INO80: variants seen among roughly 807,000 people sequenced by gnomAD.
The protein encoded by INO80 is chromatin-remodeling ATPase INO80.
In INO80, 20 loss-of-function variants were observed where a neutral mutation model predicts 203.4. The observed-to-expected ratio is 0.10, with a 90% CI of 0.07 to 0.14. The LOEUF (loss-of-function observed/expected upper bound fraction) is 0.14, where lower values mean the gene tolerates loss of function less well. INO80 is among the 10% of genes least tolerant of loss of function. The pLI, the probability that INO80 is intolerant of heterozygous loss-of-function variation, is 1.00. For synonymous variants in INO80, 726 were observed against 685.2 expected (o/e 1.06, Z -0.93); for missense variants, 1,419 against 1,914.4 (o/e 0.74, Z 4.83).
At chr15:41,112,786 CAAA>C (rs893121991) in intron 1 of INO80, among the ~76,000 whole-genome samples, 8 of 19,198 alleles carry the variant, frequency 4.2e-4, no homozygotes, top group African/African-American at 1.5e-3. Flanking sequence ...GACTCCATCT[CAAA>C]AAAAAAAAAA....
chr15:41,023,038 T>C (rs1169986319), intron 25 of INO80, among the ~76,000 whole-genome samples: 1 of 151,036 alleles, frequency 6.6e-6, no homozygotes, highest in Non-Finnish European at 1.5e-5. Flanking sequence ...GAGGCAGATG[T>C]TGCAATGAGC....
intron 17 of INO80, among the ~76,000 whole-genome samples, 166 bp downstream of exon 17, chr15:41,056,456 G>T (rs1033326886): frequency 5.9e-5 from 9 of 152,180 alleles, no homozygotes; most frequent in African/African-American, 1.9e-4. Context: ...AAGAAAACAG[G>T]AATGATGCCT....
intron 24 of INO80, among the ~76,000 whole-genome samples, chr15:41,041,744 G>A (rs748781521): frequency 2.6e-5 from 4 of 151,950 alleles, no homozygotes; most frequent in Non-Finnish European, 5.9e-5. Flanking sequence ...GTACCCAGCC[G>A]GCTTCTAGTT....
chr15:41,096,547 G>T (rs768247276), intron 1 of INO80, among the ~76,000 whole-genome samples, 194 bp from the exon 2 acceptor site: 1 of 151,996 alleles, frequency 6.6e-6, no homozygotes, highest in Non-Finnish European at 1.5e-5. Context: ...AAGTTAAAAG[G>T]ATATAAAGAA....
intron 34 of INO80, chr15:40,983,366 C>A (rs944926802): frequency 2.2e-6 from 1 of 450,074 alleles, no homozygotes; most frequent in South Asian, 2.4e-5. Context: ...CAAAGGGAAG[C>A]GACTTGCTAC....
intron 1 of INO80, among the ~76,000 whole-genome samples, chr15:41,106,342 C>T (rs1427671010): frequency 1.3e-5 from 2 of 149,782 alleles, no homozygotes; most frequent in African/African-American, 4.9e-5. Context: ...TGAGATCATG[C>T]CACCACACTC....
chr15:41,083,081 G>C (rs1179255087), intron 7 of INO80, among the ~76,000 whole-genome samples: 1 of 151,870 alleles, frequency 6.6e-6, no homozygotes, highest in Non-Finnish European at 1.5e-5. Context: ...AGAAGATCGA[G>C]ACCAGCCTGG....
At chr15:41,019,066 T>C (rs1344567036) in intron 26 of INO80, among the ~76,000 whole-genome samples, 1 of 152,210 alleles carries the variant, frequency 6.6e-6, no homozygotes, top group Non-Finnish European at 1.5e-5. Flanking sequence ...ATAAAAAGAA[T>C]GTAGCCTATG....
chr15:41,079,547 G>A (rs796459861), intron 9 of INO80, among the ~76,000 whole-genome samples, 154 bp downstream of exon 9: 39 of 150,332 alleles, frequency 2.6e-4, no homozygotes, highest in African/African-American at 9.5e-4. Flanking sequence ...GACCAGCCTG[G>A]GCAATGTGGA....
Position 41,058,798 on chromosome 15 carries a change from G to T in INO80, c.1843-17C>A, listed in dbSNP as rs748951263. 1 of 1,604,956 alleles carries T rather than the reference G, an allele frequency of 6.2e-7. No individual in the cohort carries two copies. The highest frequency in any genetic ancestry group is 8.5e-7 in the Non-Finnish European group (1 of 1,176,122). On this transcript the variant is annotated splice_polypyrimidine_tract_variant and intron_variant, in intron 15 of 35. Transcript: ENST00000648947. The stretch of plus-strand genomic sequence containing the variant: ...GAGGGTCTTCTGTAAATATAAAAGG[G>T]GAAGGGTGAAAAGAGAAACCTAATA...
intron 24 of INO80, among the ~76,000 whole-genome samples, chr15:41,036,185 A>AAC (rs2044573038): frequency 1.4e-5 from 2 of 145,510 alleles, no homozygotes; most frequent in Non-Finnish European, 3.0e-5. Flanking sequence ...AAAAAAAAAA[A>AAC]CCCAAAAAAA....
intron 1 of INO80, among the ~76,000 whole-genome samples, chr15:41,104,671 G>C (rs1416664898): frequency 1.3e-5 from 2 of 152,030 alleles, no homozygotes; most frequent in African/African-American, 4.8e-5. Context: ...CCGAGTAGCT[G>C]GGATTACAAG....
At chr15:41,034,096 A>G (rs768963093) in intron 24 of INO80, among the ~76,000 whole-genome samples, 7 of 152,050 alleles carry the variant, frequency 4.6e-5, no homozygotes, top group Non-Finnish European at 1.0e-4. Flanking sequence ...ACTTTATCCA[A>G]AACACCTCTA....
Position 41,016,156 on chromosome 15 carries a change from G to A in INO80, c.3334C>T (p.Arg1112Trp). The A allele has an allele frequency of 1.2e-6, 2 of 1,613,280 alleles. No individual in the cohort carries two copies. The highest frequency in any genetic ancestry group is 8.5e-7 in the Non-Finnish European group (1 of 1,179,324). ...ACCCTATGCCCTTGAGACTTGAGCC[G>A]AGTCAGCAGGACATCAAGGGCATAC... ...KLYALDVLLT[R>W]LKSQGHRVLI... Residue 1112 changes from arginine (R) to tryptophan (W), a missense_variant, in exon 27 of 36, where the codon CGG becomes TGG. Arg to Trp is a moderately radical substitution (Grantham distance 101). Transcript: ENST00000648947.
At chr15:41,085,735 G>A in intron 6 of INO80, 152 bp from the exon 7 acceptor site, 1 of 628,558 alleles carries the variant, frequency 1.6e-6, no homozygotes, top group Non-Finnish European at 2.8e-6. Flanking sequence ...AATATTCCTT[G>A]AGGAAGAAAA....
intron 28 of INO80, among the ~76,000 whole-genome samples, chr15:41,000,802 G>A (rs895014298): frequency 1.3e-5 from 2 of 150,364 alleles, no homozygotes; most frequent in African/African-American, 2.4e-5. Context: ...TAGTTCAGAT[G>A]TAATCACTTA....
At chr15:41,058,402 T>C (rs925778411) in intron 16 of INO80, among the ~76,000 whole-genome samples, 6 of 152,164 alleles carry the variant, frequency 3.9e-5, no homozygotes, top group African/African-American at 1.2e-4. Context: ...GGCTCATCCC[T>C]CTAATCCCAA....
intron 30 of INO80, 59 bp downstream of exon 30, chr15:40,987,757 A>G (rs201848678): frequency 2.8e-5 from 41 of 1,482,140 alleles, no homozygotes; most frequent in Middle Eastern, 3.7e-4. Flanking sequence ...AATGCAGTCA[A>G]TGTGGTTGGA....
chr15:41,040,852 T>C (rs577865390), intron 24 of INO80, among the ~76,000 whole-genome samples: 1 of 151,118 alleles, frequency 6.6e-6, no homozygotes, highest in African/African-American at 2.4e-5. Flanking sequence ...ATATTTGTAA[T>C]ATACAAAGAA....
Sources: gnomAD v4.1 joint callset for allele counts (sites outside exome capture counted in the v4.1 genomes callset) on GRCh38, gnomAD v4.1.1 for gene constraint, MANE v1.5 for transcripts, NCBI Gene and HGNC (gene_info 2026-07-23, HGNC 2026-07-21) for gene names.